Variants in PIEZO2 observed in about 807,000 individuals in gnomAD.
PIEZO2 encodes the protein piezo type mechanosensitive ion channel component 2, also known as piezo-type mechanosensitive ion channel component 2.
A neutral mutation model predicts 337.3 loss-of-function variants in PIEZO2; 172 were observed. The observed-to-expected ratio is 0.51, with a 90% confidence interval of 0.45 to 0.58. PIEZO2 has a LOEUF of 0.58. Ranked by LOEUF, PIEZO2 falls within the 20% of genes least tolerant of loss-of-function variation. PIEZO2 has a pLI of 0.00. For synonymous variants in PIEZO2, 1,251 were observed against 1,228.5 expected (o/e 1.02, Z -0.38); for missense variants, 3,028 against 3,391.3 (o/e 0.89, Z 2.66).
At chr18:10,917,964 T>A (rs62085204) in intron 3 of PIEZO2, among the ~76,000 whole-genome samples, 1 of 152,184 alleles carries the variant, frequency 6.6e-6, no homozygotes, top group Non-Finnish European at 1.5e-5. Flanking sequence ...TACCATGCAT[T>A]GAACACTGAA....
At chr18:11,026,453 A>G (rs983773330) in intron 2 of PIEZO2, among the ~76,000 whole-genome samples, 3 of 152,028 alleles carry the variant, frequency 2.0e-5, no homozygotes, top group African/African-American at 7.2e-5. Flanking sequence ...GCTCCTCAGC[A>G]CCACCTACAC....
chr18:10,868,693 A>G (rs375222956), intron 5 of PIEZO2, among the ~76,000 whole-genome samples: 10 of 152,356 alleles, frequency 6.6e-5, no homozygotes, highest in African/African-American at 2.4e-4. Flanking sequence ...GCAAATTTCA[A>G]ATGGAAGTGA....
rs568442246 is a variant in PIEZO2 at position 11,003,360 on chromosome 18, G to C, written c.161-23700C>G. Among the ~76,000 whole-genome samples the C allele has an allele frequency of 6.6e-6, 1 of 152,120 alleles. No individual in the cohort carries two copies. The highest frequency in any genetic ancestry group is 1.5e-5 in the Non-Finnish European group (1 of 68,016). ...TGGAAACTGCGGCTTTAAGCAAAACGATGTATAGCAAAAACAATTAAACCA... is the reference window on the plus strand; with the variant it reads ...TGGAAACTGCGGCTTTAAGCAAAACCATGTATAGCAAAAACAATTAAACCA... On this transcript the variant is annotated intron_variant, in intron 2 of 55. Coordinates refer to ENST00000674853, the MANE Select transcript of PIEZO2 (RefSeq NM_001378183.1). The surrounding 1 kb of genome is among the most constrained non-coding windows in gnomAD (Gnocchi z 4.6).
In PIEZO2 at chr18:10,702,333, C is replaced by T. The variant is rs116810502; in HGVS notation, c.6259-162G>A. On this transcript the variant is annotated intron_variant, in intron 42 of 55. Transcript: ENST00000674853. ...TGTGGAATAGTAACATTATCATTCT[C>T]GCAGACTATTGACTTCATAACAGAA... is the stretch of plus-strand genomic sequence containing the variant. 0.015 allele frequency among the ~76,000 whole-genome samples: 2,265 copies of T among 152,242 alleles called. 55 individuals carry two copies. Among genetic ancestry groups the T allele is most frequent in the African/African-American group, 0.052 (2,169 of 41,530 alleles).
chr18:10,872,274 C>A lies in PIEZO2; in HGVS notation c.330-859G>T, dbSNP rs1173407059. ...GGGCATTTTTGTTATAATTGAGATC[C>A]TGAAACAAATATATTTAATAATATA... On this transcript the variant is annotated intron_variant, in intron 4 of 55. Coordinates refer to ENST00000674853, the MANE Select transcript of PIEZO2 (RefSeq NM_001378183.1). The surrounding 1 kb of genome is among the most constrained non-coding windows in gnomAD (Gnocchi z 4.3). Among the ~76,000 whole-genome samples, 1 of 151,984 alleles carries A rather than the reference C, an allele frequency of 6.6e-6. No individual in the cohort carries two copies. Among genetic ancestry groups the A allele is most frequent in the Non-Finnish European group, 1.5e-5 (1 of 68,018 alleles).
At position 10,773,484 on chromosome 18, in the gene PIEZO2, C is replaced by T; in HGVS notation, c.2713G>A (p.Gly905Arg). ...YSEKAQKGDL[G>R]KDSEESEEDG... ...TCCTCTGACTCCTCGCTGTCTTTCC[C>T]AAGATCACCCTTCTGGGCTTTTTCA... Residue 905 changes from glycine (G) to arginine (R), a missense_variant, in exon 20 of 56, where the codon GGG (glycine) becomes AGG (arginine). Around this residue, in one of 5 missense-constraint regions of PIEZO2, gnomAD observed 1,925 missense variants for 2,051.9 expected, o/e 0.94. Transcript: ENST00000674853. The surrounding 1 kb of genome is among the most constrained non-coding windows in gnomAD (Gnocchi z 5.3). 6.5e-7 allele frequency: 1 copy of T among 1,537,466 alleles called. No homozygotes were observed. Among genetic ancestry groups the T allele is most frequent in the Non-Finnish European group, 8.7e-7 (1 of 1,146,972 alleles).
rs978771309 is a variant in PIEZO2, at chr18:10,943,827, G to T, written c.287-32599C>A. Among the ~76,000 whole-genome samples the T allele has an allele frequency of 2.0e-5, 3 of 152,192 alleles. No individual in the cohort carries two copies. Among genetic ancestry groups the T allele is most frequent in the Non-Finnish European group, 2.9e-5 (2 of 68,028 alleles). The stretch of plus-strand genomic sequence containing the variant: ...GAGTTGCAGAAGGGACCCGGTGGGA[G>T]ATGACTGAATCATGGGAGCAAGTCT... On this transcript the variant is annotated intron_variant, in intron 3 of 55. Transcript: ENST00000674853. This position sits in a 1 kb window ranked among gnomAD's most constrained non-coding sequence, Gnocchi z 4.5.
chr18:10,892,012 T>C (rs909290849), intron 4 of PIEZO2, among the ~76,000 whole-genome samples: 2 of 152,172 alleles, frequency 1.3e-5, no homozygotes, highest in Non-Finnish European at 2.9e-5. Flanking sequence ...AATGCAGGAT[T>C]GATAGGCAGT....
chr18:10,735,435 G>A (rs998928282), intron 34 of PIEZO2, among the ~76,000 whole-genome samples, 105 bp from the exon 35 acceptor site: 2 of 152,234 alleles, frequency 1.3e-5, no homozygotes, highest in South Asian at 2.1e-4. Context: ...CACCAACTAG[G>A]TTAAAAGATG....
chr18:10,744,933 C>G (rs187046586), intron 30 of PIEZO2, among the ~76,000 whole-genome samples: 11 of 152,342 alleles, frequency 7.2e-5, no homozygotes, highest in African/African-American at 1.4e-4. Context: ...GGAAAAAACA[C>G]CTGCTTGGGC....
In PIEZO2 at chr18:11,012,153, G is replaced by T. The variant is rs901392880; in HGVS notation, c.161-32493C>A. Among the ~76,000 whole-genome samples the T allele has an allele frequency of 6.8e-4, 103 of 152,252 alleles. 1 individual carries two copies. Among genetic ancestry groups the T allele is most frequent in the African/African-American group, 2.4e-3 (101 of 41,540 alleles). On this transcript the variant is annotated intron_variant, in intron 2 of 55. Coordinates refer to ENST00000674853, the MANE Select transcript of PIEZO2 (RefSeq NM_001378183.1). ...ATTTGAAAGCAAAATATTTTCAAGG[G>T]TATATAAGACTGCATGATTGTTACT...
intron 2 of PIEZO2, among the ~76,000 whole-genome samples, chr18:11,022,054 G>A (rs1177213230): frequency 6.6e-6 from 1 of 152,124 alleles, no homozygotes; most frequent in East Asian, 1.9e-4. Flanking sequence ...CTTTGTAATC[G>A]ATCTCTGCCT....
At chr18:10,678,505 G>C (rs1432766433) in intron 52 of PIEZO2, among the ~76,000 whole-genome samples, 1 of 152,066 alleles carries the variant, frequency 6.6e-6, no homozygotes, top group African/African-American at 2.4e-5. Flanking sequence ...TACCTGTCAT[G>C]CTTCTTTTTT....
At chr18:11,135,256 G>C (rs2040449070) in intron 1 of PIEZO2, among the ~76,000 whole-genome samples, 1 of 152,094 alleles carries the variant, frequency 6.6e-6, no homozygotes, top group Admixed American at 6.6e-5. Context: ...TCAGACATGA[G>C]TTCCTTTGAC....
Position 10,781,220 on chromosome 18 carries a change from C to T in PIEZO2, c.2493-854G>A, listed in dbSNP as rs2038970376. ...GTGTGGTGGCTCACGCCTGTAATCC[C>T]AGCACTTTGGGAAGTCGAGGCAGGT... On this transcript the variant is annotated intron_variant, in intron 17 of 55. Coordinates refer to ENST00000674853, the MANE Select transcript of PIEZO2 (RefSeq NM_001378183.1). The surrounding 1 kb of genome is among the most constrained non-coding windows in gnomAD (Gnocchi z 4.1). Among the ~76,000 whole-genome samples, 1 of 152,032 alleles carries T rather than the reference C, an allele frequency of 6.6e-6. No individual in the cohort carries two copies. The highest frequency in any genetic ancestry group is 2.4e-5 in the African/African-American group (1 of 41,388).
At chr18:11,079,009 T>G (rs1459739910) in intron 1 of PIEZO2, among the ~76,000 whole-genome samples, 1 of 152,232 alleles carries the variant, frequency 6.6e-6, no homozygotes. Flanking sequence ...AAATTGCTGG[T>G]GGCATCCTTT....
chr18:10,747,858 A>C (rs1163183122), intron 30 of PIEZO2, among the ~76,000 whole-genome samples: 1 of 152,144 alleles, frequency 6.6e-6, no homozygotes, highest in Non-Finnish European at 1.5e-5. Flanking sequence ...TATTCACACC[A>C]AGCATCTGAT....
chr18:11,030,031 A>C (rs2036674755), intron 2 of PIEZO2, among the ~76,000 whole-genome samples: 2 of 152,242 alleles, frequency 1.3e-5, no homozygotes, highest in African/African-American at 4.8e-5. Context: ...CCCTTTAAGT[A>C]ATATAAGAAG....
intron 9 of PIEZO2, among the ~76,000 whole-genome samples, chr18:10,802,744 C>A (rs193187178): frequency 6.6e-6 from 1 of 152,056 alleles, no homozygotes. Context: ...CCGAGGCAGG[C>A]GGATTGCCTA....
Sources: gnomAD v4.1 joint callset for allele counts (sites outside exome capture counted in the v4.1 genomes callset) on GRCh38, gnomAD v4.1.1 for gene constraint, gnomAD v4.1.1 regional missense constraint, Gnocchi (gnomAD v3.1) non-coding constraint, MANE v1.5 for transcripts, NCBI Gene and HGNC (gene_info 2026-07-23, HGNC 2026-07-21) for gene names.